CDH2: variants seen among roughly 807,000 people sequenced by gnomAD.
The protein encoded by CDH2 is cadherin 2.
CDH2 carries 17 observed loss-of-function variants against 92.0 expected under a neutral mutation model. The ratio of observed to expected loss-of-function variants is 0.18; its 90% CI spans 0.13 to 0.28. CDH2 has a LOEUF of 0.28. Among genes scored for constraint, CDH2 ranks in the 10% least tolerant of loss-of-function variants. The pLI is 1.00. For synonymous variants in CDH2, 419 were observed against 415.9 expected (o/e 1.01, Z -0.09); for missense variants, 862 against 1,133.1 (o/e 0.76, Z 3.44).
chr18:28,002,625 A>C (rs988864963), intron 7 of CDH2, among the ~76,000 whole-genome samples: 1 of 152,224 alleles, frequency 6.6e-6, no homozygotes, highest in Non-Finnish European at 1.5e-5. Flanking sequence ...TTAATAACAC[A>C]AGCATTAACA....
rs28634885 is a variant in CDH2, at chr18:27,958,615, A to G, written c.2514+4742T>C. The stretch of plus-strand genomic sequence containing the variant: ...TAAATAAGTGTATATTTATATATGT[A>G]TATATGTGTATATGTGATATATGTG... On this transcript the variant is annotated intron_variant, in intron 15 of 15. Coordinates refer to ENST00000269141, the MANE Select transcript of CDH2 (RefSeq NM_001792.5). Among the ~76,000 whole-genome samples the G allele has an allele frequency of 6.6e-5, 10 of 151,336 alleles. No homozygotes were observed. In the East Asian group the frequency reaches 1.7e-3, roughly 26 times the overall value.
At position 27,992,787 on chromosome 18, in the gene CDH2, A is replaced by G; in HGVS notation, c.1212T>C (p.Thr404=). The change falls in exon 9 of 16, where the codon ACT becomes ACC. Residue 404 remains threonine, a synonymous_variant. Coordinates refer to ENST00000269141, the MANE Select transcript of CDH2 (RefSeq NM_001792.5). ...NRVDIIVANL[T]VTDKDQPHTP... ...TATGGGGTTGATCCTTATCGGTCAC[A>G]GTTAGATTAGCTACTATGATGTCTA... The G allele has an allele frequency of 6.2e-7, 1 of 1,614,070 alleles. No individual in the cohort carries two copies. The highest frequency in any genetic ancestry group is 1.1e-5 in the South Asian group (1 of 91,062).
intron 9 of CDH2, among the ~76,000 whole-genome samples, chr18:27,991,577 C>T (rs1182137751): frequency 1.3e-5 from 2 of 152,188 alleles, no homozygotes. Context: ...TCATTTATCT[C>T]TCAGAACACT....
chr18:28,166,234 GTATC>G (rs1197276929), intron 1 of CDH2, among the ~76,000 whole-genome samples: 1 of 143,116 alleles, frequency 7.0e-6, no homozygotes, highest in African/African-American at 2.6e-5. Context: ...AATCTTGACA[GTATC>G]TATTATATAT....
intron 1 of CDH2, among the ~76,000 whole-genome samples, chr18:28,161,534 T>C: frequency 7.0e-6 from 1 of 142,448 alleles, no homozygotes; most frequent in African/African-American, 2.7e-5. Context: ...GAGCCGAGAC[T>C]GCATCACTGC....
intron 1 of CDH2, among the ~76,000 whole-genome samples, chr18:28,176,678 G>A (rs1203232902): frequency 6.6e-6 from 1 of 151,998 alleles, no homozygotes; most frequent in Non-Finnish European, 1.5e-5. Flanking sequence ...CACCCCCCGC[G>A]AGCTTGCTCG....
chr18:28,108,757 C>A (rs1456077172), intron 2 of CDH2, among the ~76,000 whole-genome samples: 2 of 148,092 alleles, frequency 1.4e-5, no homozygotes, highest in East Asian at 4.0e-4. Flanking sequence ...CTGTGCTTTG[C>A]AAAAAACATA....
intron 6 of CDH2, among the ~76,000 whole-genome samples, chr18:27,938,118 T>C (rs1188185209): frequency 1.3e-4 from 20 of 152,046 alleles, no homozygotes; most frequent in Non-Finnish European, 2.9e-4. Context: ...ACCGCCCCCA[T>C]CTCTCTCTTC....
At chr18:28,012,035 C>A in intron 3 of CDH2, 43 bp from the exon 4 acceptor site, 1 of 1,538,728 alleles carries the variant, frequency 6.5e-7, no homozygotes, top group Non-Finnish European at 8.9e-7. Flanking sequence ...CTAGGAAACA[C>A]ATTTTCTGAA....
intron 6 of CDH2, among the ~76,000 whole-genome samples, chr18:27,941,224 A>G (rs2143834633): frequency 6.6e-6 from 1 of 151,904 alleles, no homozygotes; most frequent in African/African-American, 2.4e-5. Flanking sequence ...TTTAGTAGAG[A>G]CGGGGTTTCA....
intron 2 of CDH2, among the ~76,000 whole-genome samples, chr18:28,029,883 A>G (rs962116746): frequency 4.6e-5 from 7 of 152,116 alleles, no homozygotes; most frequent in Admixed American, 4.6e-4. Context: ...TTTCAGAGGT[A>G]AAGAATTTTC....
intron 14 of CDH2, among the ~76,000 whole-genome samples, chr18:27,965,761 G>A (rs1441813582): frequency 1.3e-5 from 2 of 152,056 alleles, no homozygotes; most frequent in African/African-American, 4.8e-5. Context: ...AAGGCGGGTA[G>A]ATCATAAGGT....
chr18:28,130,419 A>G (rs1568009849), intron 2 of CDH2, among the ~76,000 whole-genome samples: 1 of 152,236 alleles, frequency 6.6e-6, no homozygotes, highest in South Asian at 2.1e-4. Context: ...GTCAAAAGTA[A>G]GTCTCACATC....
In CDH2 at chr18:28,010,668, G is replaced by GTT. The variant is rs760034959; in HGVS notation, c.547-798_547-797dup. Among the ~76,000 whole-genome samples, 970 of 142,626 alleles carry GTT rather than the reference G, an allele frequency of 6.8e-3. 7 individuals are homozygous for GTT. The highest frequency in any genetic ancestry group is 0.022 in the African/African-American group (875 of 38,956). 93.6% of individuals were successfully genotyped at this position (142,626 alleles called of 152,430 possible). ...TACTTAATCCATCAATAAAATCTAGGTTTTTTTTTTTTGCGGGGGGGGAAG... is the reference window on the plus strand; with the variant it reads ...TACTTAATCCATCAATAAAATCTAGGTTTTTTTTTTTTTTGCGGGGGGGGAAG... On this transcript the variant is annotated intron_variant, in intron 4 of 15. Transcript: ENST00000269141.
intron 2 of CDH2, among the ~76,000 whole-genome samples, chr18:28,024,957 C>T (rs572416730): frequency 6.6e-6 from 1 of 152,072 alleles, no homozygotes; most frequent in Non-Finnish European, 1.5e-5. Context: ...TTTCTGATAC[C>T]ACACTAAAAC....
intron 2 of CDH2, among the ~76,000 whole-genome samples, chr18:28,098,971 GGA>G (rs2015183484): frequency 6.6e-6 from 1 of 151,996 alleles, no homozygotes; most frequent in Non-Finnish European, 1.5e-5. Context: ...TATACATAGG[GGA>G]AAAACTGGAT....
In CDH2 at chr18:28,156,968, G is replaced by C. The variant is rs2016229261; in HGVS notation, c.61-9184C>G. ...TGCCAAAGTGAGAAGAGGCTTCCTA[G>C]GCTTCCAGGCTTCCTTGAGTAGAGT... On this transcript the variant is annotated intron_variant, in intron 1 of 15. Coordinates refer to ENST00000269141, the MANE Select transcript of CDH2 (RefSeq NM_001792.5). Among the ~76,000 whole-genome samples the C allele has an allele frequency of 5.3e-5, 8 of 152,240 alleles. 1 individual carries two copies. In the South Asian group the frequency reaches 1.7e-3, roughly 32 times the overall value.
chr18:27,997,584 A>T (rs2012622419), intron 7 of CDH2, among the ~76,000 whole-genome samples: 1 of 152,174 alleles, frequency 6.6e-6, no homozygotes, highest in Non-Finnish European at 1.5e-5. Context: ...TGATGACTAA[A>T]CAGATTGCAG....
intron 2 of CDH2, among the ~76,000 whole-genome samples, chr18:28,066,460 C>T (rs1027564263): frequency 6.6e-6 from 1 of 152,090 alleles, no homozygotes; most frequent in Non-Finnish European, 1.5e-5. Flanking sequence ...CAGAATAATT[C>T]TTGATAGGAA....
Sources: allele counts gnomAD v4.1 joint callset (sites outside exome capture counted in the v4.1 genomes callset), GRCh38; gene constraint gnomAD v4.1.1; transcripts MANE v1.5; gene names NCBI Gene and HGNC (gene_info 2026-07-23, HGNC 2026-07-21).